Variants in TRAP1 observed in about 807,000 individuals in gnomAD.
TRAP1 encodes the protein TNF receptor associated protein 1.
A neutral mutation model predicts 89.1 loss-of-function variants in TRAP1; 102 were observed. That is an observed-to-expected ratio of 1.15 (90% CI 0.98 to 1.35). The LOEUF is 1.35. Ranked by LOEUF, TRAP1 falls within the 40% of genes most tolerant of loss-of-function variation. The pLI, the probability that TRAP1 is intolerant of heterozygous loss-of-function variation, is 0.00. For synonymous variants in TRAP1, 508 were observed against 388.0 expected (o/e 1.31, Z -3.64); for missense variants, 1,256 against 945.3 (o/e 1.33, Z -4.31).
chr16:3,699,702 C>G (rs541252860), intron 1 of TRAP1, among the ~76,000 whole-genome samples: 1 of 151,318 alleles, frequency 6.6e-6, no homozygotes, highest in Non-Finnish European at 1.5e-5. Context: ...AGAGATTGCT[C>G]TGTCACCCAG....
chr16:3,716,870 T>C (rs1369548629), intron 1 of TRAP1, among the ~76,000 whole-genome samples: 1 of 152,212 alleles, frequency 6.6e-6, no homozygotes, highest in Non-Finnish European at 1.5e-5. Context: ...GGATGACTGC[T>C]ATAGGTTTTG....
At chr16:3,667,919 C>T (rs980327340) in intron 11 of TRAP1, among the ~76,000 whole-genome samples, 6 of 134,256 alleles carry the variant, frequency 4.5e-5, no homozygotes, top group East Asian at 4.8e-4. Context: ...CCACCATACC[C>T]GGCTGATTTT....
chr16:3,677,421 T>G, intron 6 of TRAP1, 77 bp downstream of exon 6: 1 of 1,580,006 alleles, frequency 6.3e-7, no homozygotes, highest in Non-Finnish European at 8.7e-7. Context: ...GTTTTCTGAG[T>G]CCATCCCTTT....
intron 1 of TRAP1, among the ~76,000 whole-genome samples, chr16:3,691,887 G>A (rs753315829): frequency 1.8e-3 from 277 of 152,218 alleles, no homozygotes; most frequent in Non-Finnish European, 2.9e-3. Context: ...CAGTCCAGTG[G>A]GCTGAGAAAG....
chr16:3,692,105 T>C (rs1024946590), intron 1 of TRAP1, among the ~76,000 whole-genome samples: 5 of 152,228 alleles, frequency 3.3e-5, no homozygotes, highest in African/African-American at 1.2e-4. Context: ...CAAGGATATG[T>C]GGCCAGCCAG....
chr16:3,691,070 C>T (rs2051208384), intron 1 of TRAP1, 85 bp from the exon 2 acceptor site: 1 of 1,293,986 alleles, frequency 7.7e-7, no homozygotes. Flanking sequence ...GGGTGTCTAG[C>T]AGAAGCTAGC....
intron 16 of TRAP1, chr16:3,660,021 C>T (rs928324597): frequency 3.3e-5 from 5 of 152,180 alleles, no homozygotes; most frequent in African/African-American, 1.2e-4. Context: ...GGCACCGCAC[C>T]CAACCTAACA....
chr16:3,686,574 C>A (rs1419738371), intron 3 of TRAP1, among the ~76,000 whole-genome samples: 2 of 152,210 alleles, frequency 1.3e-5, no homozygotes, highest in Admixed American at 1.3e-4. Context: ...GCCTCCGCCT[C>A]CCAAAGTGTT....
At chr16:3,658,298 ACAGAGTCTCAC>A in intron 17 of TRAP1, 68 bp from the exon 18 acceptor site, 3 of 1,247,286 alleles carry the variant, frequency 2.4e-6, no homozygotes, top group Non-Finnish European at 3.5e-6. Flanking sequence ...TTTTTTTGAG[ACAGAGTCTCAC>A]TGTTGCCGAG....
At chr16:3,663,314 C>T in intron 14 of TRAP1, 110 bp downstream of exon 14, 5 of 1,454,452 alleles carry the variant, frequency 3.4e-6, no homozygotes, top group Non-Finnish European at 3.7e-6. Flanking sequence ...TCGGGGGTGG[C>T]TGAGCCCAGG....
rs773086562 is a variant in TRAP1 at position 3,690,827 on chromosome 16, C to T, written c.247G>A (p.Gly83Ser). Residue 83 changes from glycine (G) to serine (S), a missense_variant and splice_region_variant, in exon 2 of 18, where the codon GGT becomes AGT. Physicochemically the swap from Gly to Ser is moderately conservative, Grantham distance 56 (BLOSUM62 0). Transcript: ENST00000246957. ...AGACCAAAGCACGAGCCAAGGCTAC[C>T]CTGCACGCTCTCTGTGCTGCTGATA... ...SIISSTESVQ[G>S]STSKHEFQAE... 1.1e-5 allele frequency: 16 copies of T among 1,460,304 alleles called. No individual in the cohort carries two copies. The highest frequency in any genetic ancestry group is 1.4e-5 in the Non-Finnish European group (15 of 1,099,430). 90.5% of individuals were successfully genotyped at this position (1,460,304 alleles called of 1,614,324 possible). A position where few individuals can be genotyped will look rare whatever the true frequency, so the allele number is the denominator to read the frequency against.
intron 1 of TRAP1, among the ~76,000 whole-genome samples, chr16:3,712,425 G>A (rs372168348): frequency 1.3e-5 from 2 of 151,064 alleles, no homozygotes; most frequent in African/African-American, 4.9e-5. Context: ...GGGGGCAGGA[G>A]TAAATGTTTA....
chr16:3,710,723 C>T (rs952993983), intron 1 of TRAP1, among the ~76,000 whole-genome samples: 2 of 152,012 alleles, frequency 1.3e-5, no homozygotes, highest in African/African-American at 2.4e-5. Flanking sequence ...ATCACTAACC[C>T]GACACACATA....
At position 3,710,879 on chromosome 16, in the gene TRAP1, A is replaced by ATTTTTTTT. The variant is rs1181110685; in HGVS notation, c.88+6534_88+6541dup. Among the ~76,000 whole-genome samples the ATTTTTTTT allele has an allele frequency of 5.0e-3, 633 of 125,750 alleles. 11 individuals carry two copies. Among genetic ancestry groups the ATTTTTTTT allele is most frequent in the African/African-American group, 0.02 (601 of 30,538 alleles). The allele number at this position is 125,750 out of a possible 152,430, so 82.5% of individuals were successfully genotyped here. On this transcript the variant is annotated intron_variant, in intron 1 of 17. Coordinates refer to ENST00000246957, the MANE Select transcript of TRAP1 (RefSeq NM_016292.3). ...TGTGTATATATATATATATATATAT[A>ATTTTTTTT]TTTTTTTTTTTGAGACACTGTCACT...
At chr16:3,674,560 G>A (rs1018877477) in intron 8 of TRAP1, 66 bp from the exon 9 acceptor site, 3 of 1,571,120 alleles carry the variant, frequency 1.9e-6, no homozygotes, top group Non-Finnish European at 1.7e-6. Flanking sequence ...CCACCGTGCA[G>A]GCCTGAGCCA....
rs767791359 is a variant in TRAP1, at chr16:3,665,999, A to G, written c.1355T>C (p.Ile452Thr). The change falls in exon 12 of 18, where the codon ATT becomes ACT. Residue 452 changes from isoleucine to threonine, a missense_variant. Physicochemically the swap from Ile to Thr is moderately conservative, Grantham distance 89. Coordinates refer to ENST00000246957, the MANE Select transcript of TRAP1 (RefSeq NM_016292.3). ...GACCTCCTGCTCGGTGGCGGTCACA[A>G]TGCCCTCCCGCATGAACAGGCCGTA... The part of the protein sequence containing the change: ...EDYGLFMREG[I>T]VTATEQEVKE... 14 of 1,613,810 alleles carry G rather than the reference A, an allele frequency of 8.7e-6. No individual in the cohort carries two copies. The highest frequency in any genetic ancestry group is 2.2e-5 in the South Asian group (2 of 91,044).
chr16:3,715,314 T>A (rs555554042), intron 1 of TRAP1, among the ~76,000 whole-genome samples: 31 of 151,786 alleles, frequency 2.0e-4, no homozygotes, highest in Non-Finnish European at 4.0e-4. Context: ...GGTGGGCGCC[T>A]AAAGTCCCAG....
intron 14 of TRAP1, 83 bp downstream of exon 14, chr16:3,663,341 C>T: frequency 6.4e-7 from 1 of 1,571,124 alleles, no homozygotes; most frequent in South Asian, 1.2e-5. Flanking sequence ...GACGAAAACC[C>T]AAAGGAAGCC....
At chr16:3,670,958 C>T (rs553944166) in intron 11 of TRAP1, among the ~76,000 whole-genome samples, 1 of 152,250 alleles carries the variant, frequency 6.6e-6, no homozygotes, top group South Asian at 2.1e-4. Context: ...CACAGCGCAG[C>T]CCCAACACAC....
Sources: gnomAD v4.1 joint callset for allele counts (sites outside exome capture counted in the v4.1 genomes callset) on GRCh38, gnomAD v4.1.1 for gene constraint, MANE v1.5 for transcripts, NCBI Gene and HGNC (gene_info 2026-07-23, HGNC 2026-07-21) for gene names.